The following KCND2 variants were observed in gnomAD, a reference collection of about 807,000 sequenced individuals.
The protein encoded by KCND2 is potassium voltage-gated channel subfamily D member 2.
Under a neutral mutation model 54.4 loss-of-function variants are expected in KCND2, and 16 were observed. The observed-to-expected ratio is 0.29, with a 90% CI of 0.20 to 0.45. The LOEUF is 0.45. Among genes scored for constraint, KCND2 ranks in the 20% least tolerant of loss-of-function variants. The probability of loss-of-function intolerance (pLI) is 1.00; values close to 1 mark genes in which losing one functional copy is unlikely to be tolerated. For synonymous variants in KCND2, 317 were observed against 310.7 expected (o/e 1.02, Z -0.21); for missense variants, 486 against 824.2 (o/e 0.59, Z 5.02).
intron 1 of KCND2, among the ~76,000 whole-genome samples, chr7:120,678,682 A>C (rs1374944140): frequency 6.8e-6 from 1 of 146,416 alleles, no homozygotes; most frequent in Non-Finnish European, 1.5e-5. Context: ...ATGTGTGTAC[A>C]TTTACAGTTC....
intron 1 of KCND2, among the ~76,000 whole-genome samples, chr7:120,581,620 A>T (rs1792516460): frequency 6.6e-6 from 1 of 152,196 alleles, no homozygotes; most frequent in Admixed American, 6.5e-5. Context: ...CAGATGAAAA[A>T]TGTAGTTTGT....
At chr7:120,423,671 A>G (rs1801659950) in intron 1 of KCND2, among the ~76,000 whole-genome samples, 1 of 152,216 alleles carries the variant, frequency 6.6e-6, no homozygotes, top group African/African-American at 2.4e-5. Context: ...ACCTTCCTTG[A>G]CAGGCAGGAA....
At chr7:120,471,037 GC>G (rs1310948927) in intron 1 of KCND2, among the ~76,000 whole-genome samples, 1 of 151,966 alleles carries the variant, frequency 6.6e-6, no homozygotes, top group African/African-American at 2.4e-5. Flanking sequence ...GAATAAACAT[GC>G]AATACACCTT....
chr7:120,655,293 TG>T (rs1791787752), intron 1 of KCND2, among the ~76,000 whole-genome samples: 1 of 152,036 alleles, frequency 6.6e-6, no homozygotes, highest in Non-Finnish European at 1.5e-5. Context: ...ATAGCATAAA[TG>T]AGGCATAATA....
intron 1 of KCND2, among the ~76,000 whole-genome samples, chr7:120,578,916 T>TCTCACACACACACA (rs1554370790): frequency 1.4e-5 from 2 of 146,772 alleles, no homozygotes; most frequent in African/African-American, 5.0e-5. Context: ...AGACCCTGTC[T>TCTCACACACACACA]CACACACACA....
chr7:120,414,677 T>G (rs1406203049), intron 1 of KCND2, among the ~76,000 whole-genome samples: 2 of 152,312 alleles, frequency 1.3e-5, no homozygotes, highest in Non-Finnish European at 1.5e-5. Flanking sequence ...GTTGGATTCT[T>G]GAAGTACCCT....
chr7:120,350,720 C>G (rs1476309604), intron 1 of KCND2, among the ~76,000 whole-genome samples: 1 of 152,144 alleles, frequency 6.6e-6, no homozygotes, highest in Non-Finnish European at 1.5e-5. Context: ...AACACAGCTC[C>G]TTAGTCAATT....
intron 1 of KCND2, among the ~76,000 whole-genome samples, chr7:120,612,989 G>A (rs1439806568): frequency 6.6e-6 from 1 of 151,906 alleles, no homozygotes; most frequent in African/African-American, 2.4e-5. Flanking sequence ...TTATAGAATA[G>A]TATGTGTATG....
chr7:120,395,682 A>G (rs1801144205), intron 1 of KCND2, among the ~76,000 whole-genome samples: 1 of 152,038 alleles, frequency 6.6e-6, no homozygotes, highest in Admixed American at 6.6e-5. Flanking sequence ...AACTTTCTGG[A>G]AAATGGTGGG....
Position 120,295,365 on chromosome 7 carries a change from CACACACACACACACACACACACACACAG to C in KCND2, c.1115+19636_1115+19663del, listed in dbSNP as rs1406895981. Among the ~76,000 whole-genome samples, 7 of 141,286 alleles carry C rather than the reference CACACACACACACACACACACACACACAG, an allele frequency of 5.0e-5. No individual in the cohort carries two copies. In the East Asian group the frequency reaches 9.8e-4, roughly 20 times the overall value. 92.7% of individuals were successfully genotyped at this position (141,286 alleles called of 152,430 possible). ...ATAGAGTAACACACACACACACACA[CACACACACACACACACACACACACACAG>C]ACACACACACACACACAAACACACC... On this transcript the variant is annotated intron_variant, in intron 1 of 5. Transcript: ENST00000331113.
intron 1 of KCND2, among the ~76,000 whole-genome samples, chr7:120,365,216 A>C (rs570360794): frequency 4.8e-3 from 74 of 15,408 alleles, no homozygotes; most frequent in Non-Finnish European, 6.2e-3. Flanking sequence ...GAAGGAAGGG[A>C]GGGAGGGAGG....
chr7:120,300,072 A>C (rs1301086336), intron 1 of KCND2, among the ~76,000 whole-genome samples: 1 of 152,180 alleles, frequency 6.6e-6, no homozygotes, highest in Non-Finnish European at 1.5e-5. Context: ...TAGCAAAGTT[A>C]ACTTTAAGGA....
chr7:120,461,995 G>C (rs1802290618), intron 1 of KCND2, among the ~76,000 whole-genome samples: 1 of 152,038 alleles, frequency 6.6e-6, no homozygotes, highest in Admixed American at 6.6e-5. Flanking sequence ...TTAGATATAA[G>C]AAATGTCAAA....
At chr7:120,634,925 C>T (rs1173124106) in intron 1 of KCND2, among the ~76,000 whole-genome samples, 3 of 152,158 alleles carry the variant, frequency 2.0e-5, no homozygotes, top group Non-Finnish European at 4.4e-5. Context: ...TTCTGCCTCA[C>T]ACCACCTCTT....
intron 1 of KCND2, among the ~76,000 whole-genome samples, chr7:120,717,890 A>G (rs1202968319): frequency 6.6e-6 from 1 of 152,074 alleles, no homozygotes; most frequent in Non-Finnish European, 1.5e-5. Flanking sequence ...TCTCTCCTAG[A>G]GGTCACTAAC....
chr7:120,680,985 A>AC (rs1359706270), intron 1 of KCND2, among the ~76,000 whole-genome samples: 3 of 152,110 alleles, frequency 2.0e-5, no homozygotes, highest in African/African-American at 7.2e-5. Context: ...TTGTTTAGGT[A>AC]TTGAACTATC....
chr7:120,640,553 G>A lies in KCND2; in HGVS notation c.1116-92350G>A, dbSNP rs545666171. On this transcript the variant is annotated intron_variant, in intron 1 of 5. Coordinates refer to ENST00000331113, the MANE Select transcript of KCND2 (RefSeq NM_012281.3). Reference sequence around the variant, plus strand: ...ATTCTTCAAAAATGTCTTAGAGGAGGAATAATTTTATGTTAGTCATTTTGT... The same window carrying A: ...ATTCTTCAAAAATGTCTTAGAGGAGAAATAATTTTATGTTAGTCATTTTGT... Among the ~76,000 whole-genome samples, 5 of 151,912 alleles carry A rather than the reference G, an allele frequency of 3.3e-5. No homozygotes were observed. The South Asian group carries it at 1.0e-3, about 32-fold the overall frequency.
chr7:120,524,367 A>C (rs564513827), intron 1 of KCND2, among the ~76,000 whole-genome samples: 3 of 152,192 alleles, frequency 2.0e-5, no homozygotes, highest in Non-Finnish European at 4.4e-5. Flanking sequence ...TGATAGCAAA[A>C]TAAATTGTAT....
intron 1 of KCND2, among the ~76,000 whole-genome samples, chr7:120,677,401 G>A (rs1792075674): frequency 6.6e-6 from 1 of 151,980 alleles, no homozygotes; most frequent in Admixed American, 6.6e-5. Context: ...GTGATGAACA[G>A]ACCATTTGTG....
Sources: gnomAD v4.1 joint callset for allele counts (sites outside exome capture counted in the v4.1 genomes callset) on GRCh38, gnomAD v4.1.1 for gene constraint, MANE v1.5 for transcripts, NCBI Gene and HGNC (gene_info 2026-07-23, HGNC 2026-07-21) for gene names.